Variants in RAB7A observed in about 807,000 individuals in gnomAD.
RAB7A encodes RAB7A, member RAS oncogene family.
RAB7A carries 2 observed loss-of-function variants against 24.5 expected under a neutral mutation model. That is an observed-to-expected ratio of 0.08 (90% CI 0.03 to 0.26). The LOEUF (loss-of-function observed/expected upper bound fraction) is 0.26, where lower values mean the gene tolerates loss of function less well. Ranked by LOEUF, RAB7A falls within the 10% of genes least tolerant of loss-of-function variation. The pLI, the probability that RAB7A is intolerant of heterozygous loss-of-function variation, is 1.00. For missense variants in RAB7A, 118 were observed against 255.7 expected (o/e 0.46, Z 3.67); for synonymous variants, 100 against 95.9 (o/e 1.04, Z -0.25).
intron 2 of RAB7A, among the ~76,000 whole-genome samples, chr3:128,796,456 A>G (rs1933579622): frequency 6.6e-6 from 1 of 152,172 alleles, no homozygotes. Flanking sequence ...CAACTCTTAA[A>G]ATAAAAAGAT....
chr3:128,811,713 G>T (rs1933931181), intron 5 of RAB7A, among the ~76,000 whole-genome samples: 2 of 152,056 alleles, frequency 1.3e-5, no homozygotes, highest in South Asian at 4.1e-4. Flanking sequence ...GCTAGGTGTG[G>T]TGGCATGAGC....
At chr3:128,774,183 A>G (rs1933024753) in intron 1 of RAB7A, among the ~76,000 whole-genome samples, 1 of 141,438 alleles carries the variant, frequency 7.1e-6, no homozygotes, top group Non-Finnish European at 1.5e-5. Flanking sequence ...ATATGTATTA[A>G]CTAAAAAAAA....
At chr3:128,791,141 T>G (rs1367802615) in intron 1 of RAB7A, among the ~76,000 whole-genome samples, 4 of 152,176 alleles carry the variant, frequency 2.6e-5, no homozygotes, top group African/African-American at 9.6e-5. Flanking sequence ...TTCTTCATGT[T>G]TTGTTTGTTT....
At chr3:128,776,198 G>A (rs1246131123) in intron 1 of RAB7A, among the ~76,000 whole-genome samples, 1 of 151,914 alleles carries the variant, frequency 6.6e-6, no homozygotes, top group South Asian at 2.1e-4. Flanking sequence ...GTTCATCCTC[G>A]TTGTGGCAAA....
intron 1 of RAB7A, among the ~76,000 whole-genome samples, chr3:128,768,502 G>T (rs2070853610): frequency 1.3e-5 from 2 of 152,168 alleles, no homozygotes. Context: ...TGTTTAAAAA[G>T]TTGAAATACT....
At chr3:128,806,157 G>C (rs780876683) in intron 3 of RAB7A, among the ~76,000 whole-genome samples, 12 of 152,178 alleles carry the variant, frequency 7.9e-5, no homozygotes, top group Non-Finnish European at 1.5e-4. Context: ...TGGACTCAAT[G>C]TCACTCGCTT....
chr3:128,793,759 A>G (rs757555513), intron 1 of RAB7A, among the ~76,000 whole-genome samples: 3 of 152,232 alleles, frequency 2.0e-5, no homozygotes, highest in Non-Finnish European at 2.9e-5. Flanking sequence ...AAGTCATCTT[A>G]TACTGCCCCT....
chr3:128,779,431 A>G (rs1362557330), intron 1 of RAB7A, among the ~76,000 whole-genome samples: 2 of 151,764 alleles, frequency 1.3e-5, no homozygotes, highest in Non-Finnish European at 1.5e-5. Context: ...AGAGAGATTC[A>G]TTGTGGCTGA....
chr3:128,771,920 C>T (rs1271801246), intron 1 of RAB7A, among the ~76,000 whole-genome samples: 1 of 152,180 alleles, frequency 6.6e-6, no homozygotes, highest in Non-Finnish European at 1.5e-5. Context: ...AAATTCTCTC[C>T]TAAACATATT....
intron 1 of RAB7A, among the ~76,000 whole-genome samples, chr3:128,727,668 A>G (rs1207446986): frequency 2.6e-5 from 4 of 152,212 alleles, no homozygotes; most frequent in African/African-American, 7.2e-5. Flanking sequence ...ACCTTAGTTG[A>G]TGGCTGTCCA....
At chr3:128,759,856 A>G (rs1219518356) in intron 1 of RAB7A, among the ~76,000 whole-genome samples, 1 of 152,092 alleles carries the variant, frequency 6.6e-6, no homozygotes, top group Non-Finnish European at 1.5e-5. Flanking sequence ...AATTACAGGC[A>G]TGCACCACCA....
intron 5 of RAB7A, among the ~76,000 whole-genome samples, chr3:128,812,489 T>C (rs960391657): frequency 6.6e-6 from 1 of 152,240 alleles, no homozygotes; most frequent in Non-Finnish European, 1.5e-5. Context: ...GAATGATTTT[T>C]TTCCTAGATA....
At chr3:128,772,704 T>A (rs982672428) in intron 1 of RAB7A, among the ~76,000 whole-genome samples, 2 of 152,226 alleles carry the variant, frequency 1.3e-5, no homozygotes, top group Non-Finnish European at 2.9e-5. Context: ...TTTGGAAGAC[T>A]CAATTAAGGG....
At chr3:128,734,111 T>C (rs2070466118) in intron 1 of RAB7A, among the ~76,000 whole-genome samples, 2 of 152,078 alleles carry the variant, frequency 1.3e-5, no homozygotes, top group African/African-American at 4.8e-5. Flanking sequence ...CTCTTGTAAA[T>C]GCTACTTAAA....
At chr3:128,759,750 C>T (rs2070762322) in intron 1 of RAB7A, among the ~76,000 whole-genome samples, 1 of 152,006 alleles carries the variant, frequency 6.6e-6, no homozygotes, top group South Asian at 2.1e-4. Context: ...GCTCTTGTTA[C>T]CCAGGCTGGA....
intron 3 of RAB7A, chr3:128,798,921 A>G: frequency 3.6e-6 from 1 of 280,458 alleles, no homozygotes; most frequent in South Asian, 3.7e-5. Context: ...TTGTCAGTAC[A>G]ACCTCACTTT....
intron 2 of RAB7A, among the ~76,000 whole-genome samples, chr3:128,795,859 C>A (rs1933562086): frequency 6.7e-6 from 1 of 150,114 alleles, no homozygotes; most frequent in African/African-American, 2.5e-5. Context: ...TCACGCCATT[C>A]TCCTGCCTCA....
At chr3:128,772,264 G>T (rs1167921509) in intron 1 of RAB7A, among the ~76,000 whole-genome samples, 1 of 152,198 alleles carries the variant, frequency 6.6e-6, no homozygotes, top group Non-Finnish European at 1.5e-5. Context: ...TTGCTGAAGG[G>T]CAGTGAAAGG....
At chr3:128,753,032 ATCT>A (rs1459376173) in intron 1 of RAB7A, among the ~76,000 whole-genome samples, 4 of 152,208 alleles carry the variant, frequency 2.6e-5, no homozygotes. Context: ...CATTATTAAC[ATCT>A]GTAGAATGGA....
Sources: gnomAD v4.1 joint callset for allele counts (sites outside exome capture counted in the v4.1 genomes callset) on GRCh38, gnomAD v4.1.1 for gene constraint, MANE v1.5 for transcripts, NCBI Gene and HGNC (gene_info 2026-07-23, HGNC 2026-07-21) for gene names.